NECAB3: variants seen among roughly 807,000 people sequenced by gnomAD.
NECAB3 encodes N-terminal EF-hand calcium-binding protein 3.
NECAB3 carries 38 observed loss-of-function variants against 57.2 expected under a neutral mutation model. The observed-to-expected ratio is 0.66, with a 90% CI of 0.51 to 0.87. NECAB3 has a LOEUF of 0.87. NECAB3 is among the 40% of genes least tolerant of loss of function. The pLI is 0.00. For synonymous variants in NECAB3, 223 were observed against 222.6 expected (o/e 1.00, Z -0.02); for missense variants, 474 against 527.5 (o/e 0.90, Z 0.99).
At chr20:33,659,051 A>G (rs2017373466) in intron 8 of NECAB3, among the ~76,000 whole-genome samples, 1 of 152,104 alleles carries the variant, frequency 6.6e-6, no homozygotes, top group African/African-American at 2.4e-5. Context: ...TGGCCTCCCA[A>G]GGTGCTGGAA....
chr20:33,668,548 C>T (rs931599295), intron 5 of NECAB3: 21 of 311,622 alleles, frequency 6.7e-5, no homozygotes, highest in Non-Finnish European at 1.2e-4. Context: ...TTCCTCCAAA[C>T]CCTCGTCATG....
intron 11 of NECAB3, 25 bp from the exon 12 acceptor site, chr20:33,657,882 G>A: frequency 6.5e-7 from 1 of 1,544,770 alleles, no homozygotes. Context: ...CAGGGGGTCA[G>A]GAGCCCTCAG....
At chr20:33,667,671 TCTG>T (rs753535469) in intron 5 of NECAB3, 2 of 1,611,500 alleles carry the variant, frequency 1.2e-6, no homozygotes, top group Admixed American at 1.7e-5. Flanking sequence ...ACCTGCGGGA[TCTG>T]CTGGTGGCGG....
intron 5 of NECAB3, chr20:33,662,336 C>T: frequency 1.3e-6 from 2 of 1,550,766 alleles, no homozygotes; most frequent in South Asian, 1.2e-5. Context: ...CAGTGGTGAC[C>T]AGCCCTGCCA....
At chr20:33,669,747 G>A in intron 3 of NECAB3, 35 bp from the exon 4 acceptor site, 1 of 1,559,478 alleles carries the variant, frequency 6.4e-7, no homozygotes, top group Non-Finnish European at 8.7e-7. Flanking sequence ...TTCAGACCTG[G>A]GCCTGGTAAA....
In NECAB3 at chr20:33,662,658, G is replaced by A. The variant is rs2017518495; in HGVS notation, c.388-2263C>T. 22 of 674,136 alleles carry A rather than the reference G, an allele frequency of 3.3e-5. No individual in the cohort carries two copies. The East Asian group carries it at 6.4e-4, about 20-fold the overall frequency. 41.8% of individuals were successfully genotyped at this position (674,136 alleles called of 1,614,324 possible). A position where few individuals can be genotyped will look rare whatever the true frequency, so the allele number is the denominator to read the frequency against. On this transcript the variant is annotated intron_variant, in intron 5 of 11. Coordinates refer to ENST00000246190, the MANE Select transcript of NECAB3 (RefSeq NM_031232.4). Reference sequence around the variant, plus strand: ...GGAGCCCATATGGGTGTGGATGGGGGTCCTTTCAAGGTGGCTCACGCCTGT... The same window carrying A: ...GGAGCCCATATGGGTGTGGATGGGGATCCTTTCAAGGTGGCTCACGCCTGT...
At chr20:33,670,513 G>A (rs2017806946) in intron 3 of NECAB3, 171 bp downstream of exon 3, 1 of 529,860 alleles carries the variant, frequency 1.9e-6, no homozygotes, top group Non-Finnish European at 3.3e-6. Context: ...TAGTGGGCAA[G>A]GCTGTAGCTG....
At chr20:33,664,118 T>C (rs1476053783) in intron 5 of NECAB3, 1 of 450,270 alleles carries the variant, frequency 2.2e-6, no homozygotes, top group African/African-American at 2.1e-5. Context: ...GGGAGGCAGT[T>C]TCCTTCCCCC....
Position 33,657,145 on chromosome 20 carries a change from G to T in NECAB3, c.*684C>A, listed in dbSNP as rs1159887835. The T allele has an allele frequency of 6.5e-6, 1 of 152,686 alleles. No homozygotes were observed. Among genetic ancestry groups the T allele is most frequent in the Non-Finnish European group, 1.5e-5 (1 of 68,072 alleles). 9.5% of individuals were successfully genotyped at this position (152,686 alleles called of 1,614,324 possible). A position where few individuals can be genotyped will look rare whatever the true frequency, so the allele number is the denominator to read the frequency against. ...TGGGGTCCCAGCCTGGGGTTCAGAG[G>T]CCTCTGGGGGCAATAGGTGACCCTG... is the stretch of plus-strand genomic sequence containing the variant. On this transcript the variant is annotated 3_prime_UTR_variant, in exon 12 of 12. Transcript: ENST00000246190.
intron 5 of NECAB3, chr20:33,663,706 C>G (rs1242635450): frequency 3.9e-6 from 6 of 1,537,994 alleles, no homozygotes; most frequent in Non-Finnish European, 5.2e-6. Context: ...GCTGCTGCGG[C>G]GGCAAGAGGC....
chr20:33,669,594 C>A, intron 4 of NECAB3, 93 bp downstream of exon 4: 1 of 1,539,058 alleles, frequency 6.5e-7, no homozygotes, highest in South Asian at 1.2e-5. Flanking sequence ...CCAGCCCAAC[C>A]TGTCCCATCA....
At chr20:33,667,492 T>C (rs1036030516) in intron 5 of NECAB3, 2 of 1,480,910 alleles carry the variant, frequency 1.4e-6, no homozygotes, top group African/African-American at 2.8e-5. Flanking sequence ...AGTGCCCGCG[T>C]GCCACATGGC....
chr20:33,667,395 G>GC, intron 5 of NECAB3: 1 of 1,384,712 alleles, frequency 7.2e-7, no homozygotes, highest in Non-Finnish European at 9.3e-7. Flanking sequence ...TGTGCCCAGA[G>GC]CAGTGGCCCG....
chr20:33,667,370 T>C (rs2017690174), intron 5 of NECAB3: 1 of 1,223,256 alleles, frequency 8.2e-7, no homozygotes, highest in African/African-American at 1.6e-5. Context: ...CGCCTGCTGG[T>C]GGGCGGCCTG....
At chr20:33,659,371 G>A in intron 8 of NECAB3, 126 bp downstream of exon 8, 1 of 793,900 alleles carries the variant, frequency 1.3e-6, no homozygotes. Context: ...GCACCTGCTT[G>A]CCAGGCCTGG....
At chr20:33,664,200 C>T (rs2017585160) in intron 5 of NECAB3, 1 of 302,964 alleles carries the variant, frequency 3.3e-6, no homozygotes, top group East Asian at 5.7e-5. Flanking sequence ...CAAACCCAGG[C>T]TTGGCCACGC....
At chr20:33,671,216 G>T (rs550526109) in intron 2 of NECAB3, among the ~76,000 whole-genome samples, 1 of 152,162 alleles carries the variant, frequency 6.6e-6, no homozygotes, top group Non-Finnish European at 1.5e-5. Flanking sequence ...GAGAAGCCAC[G>T]GGGAGGCAGA....
chr20:33,662,212 C>T, intron 5 of NECAB3: 2 of 1,198,976 alleles, frequency 1.7e-6, no homozygotes, highest in Non-Finnish European at 1.2e-6. Context: ...CCAGATTCAC[C>T]TGTGGGCCCT....
In NECAB3 at chr20:33,658,524, G is replaced by T; in HGVS notation, c.1023C>A (p.Ala341=). ...GCCAGAACTCATACAGGGTGAAGGA[G>T]GCACCGTCCAGCATCTTCTGGGCGG... is the stretch of plus-strand genomic sequence containing the variant. ...HVSAQKMLDG[A]SFTLYEFWQD... Residue 341 remains alanine (A), a synonymous_variant, in exon 10 of 12, where the codon GCC becomes GCA. Transcript: ENST00000246190. 3 of 1,614,082 alleles carry T rather than the reference G, an allele frequency of 1.9e-6. No individual in the cohort carries two copies. The highest frequency in any genetic ancestry group is 1.7e-6 in the Non-Finnish European group (2 of 1,179,996).
Sources: allele counts gnomAD v4.1 joint callset (sites outside exome capture counted in the v4.1 genomes callset), GRCh38; gene constraint gnomAD v4.1.1; transcripts MANE v1.5; gene names NCBI Gene and HGNC (gene_info 2026-07-23, HGNC 2026-07-21).